AGPS: variants seen among roughly 807,000 people sequenced by gnomAD.
The protein encoded by AGPS is alkyldihydroxyacetonephosphate synthase, peroxisomal.
In AGPS, 26 loss-of-function variants were observed where a neutral mutation model predicts 90.7. The observed-to-expected ratio is 0.29, with a 90% CI of 0.21 to 0.40. The LOEUF (loss-of-function observed/expected upper bound fraction) is 0.40, where lower values mean the gene tolerates loss of function less well. AGPS is among the 10% of genes least tolerant of loss of function. The probability of loss-of-function intolerance (pLI) is 1.00; values close to 1 mark genes in which losing one functional copy is unlikely to be tolerated. For missense variants in AGPS, 540 were observed against 816.1 expected (o/e 0.66, Z 4.12); for synonymous variants, 294 against 285.3 (o/e 1.03, Z -0.31).
chr2:177,534,687 A>G (rs2079167860), intron 19 of AGPS, among the ~76,000 whole-genome samples: 1 of 151,726 alleles, frequency 6.6e-6, no homozygotes, highest in South Asian at 2.1e-4. Flanking sequence ...TTCTGAGCTC[A>G]AGTTCTCCTT....
chr2:177,395,576 A>C (rs571891741), intron 1 of AGPS, among the ~76,000 whole-genome samples: 8 of 152,360 alleles, frequency 5.3e-5, no homozygotes, highest in Non-Finnish European at 8.8e-5. Context: ...TCTCCCTTCT[A>C]CTTCCTACTT....
chr2:177,524,507 A>G (rs1427334151), intron 19 of AGPS, among the ~76,000 whole-genome samples: 1 of 152,208 alleles, frequency 6.6e-6, no homozygotes, highest in African/African-American at 2.4e-5. Context: ...TGTTCTTAAT[A>G]TATCCCTCAA....
At chr2:177,483,642 C>G (rs1373002840) in intron 11 of AGPS, among the ~76,000 whole-genome samples, 1 of 152,014 alleles carries the variant, frequency 6.6e-6, no homozygotes, top group African/African-American at 2.4e-5. Flanking sequence ...ACATTAGAGG[C>G]CCTAATTCAC....
At chr2:177,505,057 T>C (rs1688670030) in intron 14 of AGPS, among the ~76,000 whole-genome samples, 1 of 152,060 alleles carries the variant, frequency 6.6e-6, no homozygotes, top group Admixed American at 6.5e-5. Context: ...GTTTTGTCTC[T>C]CATTTAAATC....
At chr2:177,393,664 G>C (rs1434376431) in intron 1 of AGPS, 3 of 732,378 alleles carry the variant, frequency 4.1e-6, no homozygotes. Flanking sequence ...ACTGAGCTCT[G>C]TGTAACCAGA....
At chr2:177,413,956 G>A (rs1235851268) in intron 1 of AGPS, among the ~76,000 whole-genome samples, 1 of 152,180 alleles carries the variant, frequency 6.6e-6, no homozygotes, top group Non-Finnish European at 1.5e-5. Context: ...AAGTGTGGGA[G>A]TAAAGAATGG....
intron 18 of AGPS, among the ~76,000 whole-genome samples, chr2:177,522,070 GCCT>G (rs1295556200): frequency 1.3e-5 from 2 of 151,898 alleles, no homozygotes; most frequent in Non-Finnish European, 1.5e-5. Context: ...TTCCTCCTAT[GCCT>G]CCTCTTTTTT....
At chr2:177,459,750 AGT>A (rs1479492658) in intron 8 of AGPS, among the ~76,000 whole-genome samples, 1 of 152,246 alleles carries the variant, frequency 6.6e-6, no homozygotes, top group Non-Finnish European at 1.5e-5. Flanking sequence ...TGTGGAAGAC[AGT>A]GTGGCAATTT....
chr2:177,444,030 A>G (rs531436236), intron 7 of AGPS, among the ~76,000 whole-genome samples: 15 of 152,352 alleles, frequency 9.8e-5, no homozygotes, highest in African/African-American at 2.6e-4. Context: ...CATCAGATCA[A>G]TAAATTCTTT....
chr2:177,414,742 C>T (rs755717869), intron 1 of AGPS, among the ~76,000 whole-genome samples: 1 of 152,076 alleles, frequency 6.6e-6, no homozygotes, highest in Non-Finnish European at 1.5e-5. Flanking sequence ...AGAAACTGCA[C>T]TGAGATTCAA....
intron 10 of AGPS, among the ~76,000 whole-genome samples, chr2:177,475,497 C>T (rs184818706): frequency 6.6e-6 from 1 of 152,242 alleles, no homozygotes; most frequent in East Asian, 1.9e-4. Flanking sequence ...TAAGCAACTA[C>T]TGATCTTCTT....
rs191275125 is a variant in AGPS, at chr2:177,517,297, A to G, written c.1697+3389A>G. On this transcript the variant is annotated intron_variant, in intron 17 of 19. Coordinates refer to ENST00000264167, the MANE Select transcript of AGPS (RefSeq NM_003659.4). ...TTGTATATACACATTCAACATGTAT[A>G]AATATTGAGTCATAGTATTTTAAGG... is the stretch of plus-strand genomic sequence containing the variant. Among the ~76,000 whole-genome samples the G allele has an allele frequency of 9.9e-5, 15 of 152,248 alleles. No individual in the cohort carries two copies. The East Asian group carries it at 2.9e-3, about 29-fold the overall frequency.
At chr2:177,498,515 A>G (rs1311328623) in intron 13 of AGPS, among the ~76,000 whole-genome samples, 1 of 150,976 alleles carries the variant, frequency 6.6e-6, no homozygotes, top group African/African-American at 2.4e-5. Context: ...AAATTTTTAT[A>G]TCTTTTCCTG....
At chr2:177,502,348 A>G (rs1437604515) in intron 14 of AGPS, among the ~76,000 whole-genome samples, 2 of 148,008 alleles carry the variant, frequency 1.4e-5, no homozygotes, top group Non-Finnish European at 3.0e-5. Flanking sequence ...GACATCTTCT[A>G]TTTTAAACAA....
chr2:177,504,971 A>G (rs895935034), intron 14 of AGPS, among the ~76,000 whole-genome samples: 3 of 152,098 alleles, frequency 2.0e-5, no homozygotes, highest in Non-Finnish European at 4.4e-5. Flanking sequence ...TTATATGTTC[A>G]TAGTAGTAAG....
intron 10 of AGPS, among the ~76,000 whole-genome samples, chr2:177,471,229 T>C (rs1004652175): frequency 1.3e-5 from 2 of 152,212 alleles, no homozygotes; most frequent in Non-Finnish European, 2.9e-5. Flanking sequence ...ACTTCCTGCC[T>C]TAAATGTGAA....
chr2:177,504,809 A>G (rs1398654638), intron 14 of AGPS, among the ~76,000 whole-genome samples: 2 of 152,146 alleles, frequency 1.3e-5, no homozygotes, highest in African/African-American at 4.8e-5. Context: ...AAGGTAGTGG[A>G]AAAACAGTAT....
At chr2:177,411,325 G>A (rs767619828) in intron 1 of AGPS, among the ~76,000 whole-genome samples, 2 of 152,192 alleles carry the variant, frequency 1.3e-5, no homozygotes, top group Non-Finnish European at 2.9e-5. Context: ...CCAGAAACGT[G>A]GTAGGATTTT....
chr2:177,478,407 A>C (rs558518450), intron 10 of AGPS, among the ~76,000 whole-genome samples: 1 of 152,210 alleles, frequency 6.6e-6, no homozygotes, highest in East Asian at 1.9e-4. Context: ...AAATTTAGGA[A>C]GTTTTCAGCC....
Sources: allele counts gnomAD v4.1 joint callset (sites outside exome capture counted in the v4.1 genomes callset), GRCh38; gene constraint gnomAD v4.1.1; transcripts MANE v1.5; gene names NCBI Gene and HGNC (gene_info 2026-07-23, HGNC 2026-07-21).